Variants in TMED8 observed in about 807,000 individuals in gnomAD.
The protein encoded by TMED8 is protein TMED8.
A neutral mutation model predicts 32.7 loss-of-function variants in TMED8; 15 were observed. The ratio of observed to expected loss-of-function variants is 0.46; its 90% CI spans 0.31 to 0.71. The LOEUF is 0.71. Among genes scored for constraint, TMED8 ranks in the 30% least tolerant of loss-of-function variants. The probability of loss-of-function intolerance (pLI) is 0.06; values close to 1 mark genes in which losing one functional copy is unlikely to be tolerated. For synonymous variants in TMED8, 147 were observed against 161.4 expected, an observed-to-expected ratio of 0.91 and a Z score of 0.68; for missense variants, 390 against 423.9, an observed-to-expected ratio of 0.92 and a Z score of 0.70.
At chr14:77,342,045 A>C (rs1892917216) in intron 5 of TMED8, 57 bp from the exon 6 acceptor site, 1 of 1,515,756 alleles carries the variant, frequency 6.6e-7, no homozygotes. Context: ...CCTGAAGGTG[A>C]GCGGAAGGAC....
At chr14:77,357,876 C>T (rs1484826127) in intron 1 of TMED8, among the ~76,000 whole-genome samples, 6 of 152,070 alleles carry the variant, frequency 3.9e-5, no homozygotes, top group Non-Finnish European at 2.9e-5. Context: ...GTAATCCCAA[C>T]ACTTTGGGAG....
chr14:77,342,047 C>G, intron 5 of TMED8, 59 bp from the exon 6 acceptor site: 1 of 1,500,744 alleles, frequency 6.7e-7, no homozygotes, highest in African/African-American at 1.4e-5. Context: ...TGAAGGTGAG[C>G]GGAAGGACCA....
intron 1 of TMED8, among the ~76,000 whole-genome samples, chr14:77,359,241 C>T (rs1367343679): frequency 6.6e-6 from 1 of 152,172 alleles, no homozygotes; most frequent in Non-Finnish European, 1.5e-5. Context: ...ACAACACAGC[C>T]TAGAAGAGCT....
rs1893812299 is a variant in TMED8 at position 77,376,264 on chromosome 14, G to C, written c.118+672C>G. 6.6e-6 allele frequency among the ~76,000 whole-genome samples: 1 copy of C among 152,226 alleles called. No homozygotes were observed. The highest frequency in any genetic ancestry group is 2.4e-5 in the African/African-American group (1 of 41,464). On this transcript the variant is annotated intron_variant, in intron 1 of 5. Coordinates refer to ENST00000216468, the MANE Select transcript of TMED8 (RefSeq NM_213601.3). The surrounding 1 kb of genome is among the most constrained non-coding windows in gnomAD (Gnocchi z 4.0). Reference sequence around the variant, plus strand: ...GACAAGAAGAGGATGAGGGTCTTGAGAATGAGGGAGGTAGGCCAAATTTTT... The same window carrying C: ...GACAAGAAGAGGATGAGGGTCTTGACAATGAGGGAGGTAGGCCAAATTTTT...
chr14:77,372,810 G>C (rs770030738), intron 1 of TMED8, among the ~76,000 whole-genome samples: 30 of 148,542 alleles, frequency 2.0e-4, no homozygotes, highest in Non-Finnish European at 4.0e-4. Flanking sequence ...AAACATCAAG[G>C]CTGTTTGTCA....
At chr14:77,342,038 G>C (rs911031839) in intron 5 of TMED8, 50 bp from the exon 6 acceptor site, 2 of 1,550,430 alleles carry the variant, frequency 1.3e-6, no homozygotes, top group African/African-American at 2.7e-5. Flanking sequence ...AGTCCTGCCT[G>C]AAGGTGAGCG....
intron 1 of TMED8, among the ~76,000 whole-genome samples, chr14:77,368,467 A>AT (rs549481782): frequency 6.6e-6 from 1 of 151,508 alleles, no homozygotes; most frequent in Non-Finnish European, 1.5e-5. Context: ...TGTCCTTTTT[A>AT]TTATTTATTT....
Position 77,341,944 on chromosome 14 carries a change from A to G in TMED8, c.805T>C (p.Leu269=), listed in dbSNP as rs1892912109. The G allele has an allele frequency of 1.9e-6, 3 of 1,614,108 alleles. No homozygotes were observed. In the South Asian group the frequency reaches 3.3e-5, roughly 18 times the overall value. The part of the protein sequence containing the change: ...GDVERGSRSS[L]RGRYGEVMPV... ...ATGACCTCCCCATAGCGACCCCGCA[A>G]GGAGCTCCTGGAGCCTCTCTCCACA... is the stretch of plus-strand genomic sequence containing the variant. Residue 269 remains leucine (L), a synonymous_variant, in exon 6 of 6, where the codon TTG becomes CTG. Transcript: ENST00000216468.
At position 77,338,745 on chromosome 14, in the gene TMED8, C is replaced by T. The variant is rs1258491292; in HGVS notation, c.*3026G>A. The T allele has an allele frequency of 6.6e-6, 1 of 152,186 alleles. No individual in the cohort carries two copies. Among genetic ancestry groups the T allele is most frequent in the African/African-American group, 2.4e-5 (1 of 41,450 alleles). The allele number at this position is 152,186 out of a possible 1,614,324, so 9.4% of individuals were successfully genotyped here. A position where few individuals can be genotyped will look rare whatever the true frequency, so the allele number is the denominator to read the frequency against. Reference sequence around the variant, plus strand: ...AAATAAACCTCTAAATGTATTGAGACCTGTCTCAGATACTTTTTGGTTTAC... The same window carrying T: ...AAATAAACCTCTAAATGTATTGAGATCTGTCTCAGATACTTTTTGGTTTAC... On this transcript the variant is annotated 3_prime_UTR_variant, in exon 6 of 6. Transcript: ENST00000216468.
chr14:77,343,942 A>T (rs1892971498), intron 3 of TMED8, 119 bp from the exon 4 acceptor site: 1 of 1,008,686 alleles, frequency 9.9e-7, no homozygotes, highest in African/African-American at 1.6e-5. Flanking sequence ...CTCAAAGCTT[A>T]ATGTACTAGT....
intron 2 of TMED8, 47 bp downstream of exon 2, chr14:77,351,626 A>G (rs768168807): frequency 6.6e-7 from 1 of 1,511,516 alleles, no homozygotes; most frequent in South Asian, 1.2e-5. Flanking sequence ...CCAGTTCCTC[A>G]TCTCAGAAGA....
In TMED8 at chr14:77,341,717, G is replaced by A. The variant is rs1892902907; in HGVS notation, c.*54C>T. 1.9e-6 allele frequency: 3 copies of A among 1,581,192 alleles called. No individual in the cohort carries two copies. Among genetic ancestry groups the A allele is most frequent in the Non-Finnish European group, 2.6e-6 (3 of 1,151,392 alleles). On this transcript the variant is annotated 3_prime_UTR_variant, in exon 6 of 6. Coordinates refer to ENST00000216468, the MANE Select transcript of TMED8 (RefSeq NM_213601.3). The stretch of plus-strand genomic sequence containing the variant: ...TGCCTATCCCAAACAAGAGGCACCA[G>A]CTGGCAGCCTGCTTCAGCCAGCAAA...
In TMED8 at chr14:77,347,378, G is replaced by A. The variant is rs530272716; in HGVS notation, c.198-900C>T. Among the ~76,000 whole-genome samples the A allele has an allele frequency of 2.6e-3, 394 of 152,300 alleles. 2 individuals are homozygous for A. The highest frequency in any genetic ancestry group is 4.6e-3 in the Non-Finnish European group (315 of 68,022). On this transcript the variant is annotated intron_variant, in intron 2 of 5. Transcript: ENST00000216468. ...ACCCTGTCCCCGTTCAGTGCTAGGG[G>A]TCATCACTTTCTCTCCTTTTTAAAG...
In TMED8 at chr14:77,343,475, G is replaced by A. The variant is rs751905394; in HGVS notation, c.463C>T (p.Pro155Ser). 1 of 1,613,380 alleles carries A rather than the reference G, an allele frequency of 6.2e-7. No individual in the cohort carries two copies. Among genetic ancestry groups the A allele is most frequent in the East Asian group, 2.2e-5 (1 of 44,882 alleles). The change falls in exon 5 of 6, where the codon CCT becomes TCT. Residue 155 changes from proline (P) to serine (S), a missense_variant. Coordinates refer to ENST00000216468, the MANE Select transcript of TMED8 (RefSeq NM_213601.3). ...CAGATGCATGGAGGAGCCATCAGAG[G>A]TGGGGAGACTGAAAGGACAAGCAGC... is the stretch of plus-strand genomic sequence containing the variant. ...LLGDHRKVSP[P>S]LMAPPCIWTF...
intron 1 of TMED8, among the ~76,000 whole-genome samples, chr14:77,374,516 A>G (rs751992551): frequency 2.6e-5 from 4 of 152,240 alleles, no homozygotes; most frequent in Admixed American, 6.5e-5. Flanking sequence ...GTTTCCAAAC[A>G]TTGCCATGCC....
intron 5 of TMED8, among the ~76,000 whole-genome samples, chr14:77,342,512 T>G (rs1173383122): frequency 6.6e-6 from 1 of 152,160 alleles, no homozygotes; most frequent in East Asian, 1.9e-4. Context: ...CCGCTTGCTG[T>G]TCTATGAAGA....
At chr14:77,354,954 C>CA (rs58297150) in intron 1 of TMED8, among the ~76,000 whole-genome samples, 3,723 of 130,342 alleles carry the variant, frequency 0.029, 111 homozygotes, top group African/African-American at 0.089. Context: ...AACTCTGTCT[C>CA]AAAAAAAAAA....
At chr14:77,372,932 ATATATATATATATATATATATTTT>A (rs1214315275) in intron 1 of TMED8, among the ~76,000 whole-genome samples, 327 of 32,322 alleles carry the variant, frequency 0.01, 14 homozygotes, top group African/African-American at 0.057. Flanking sequence ...ATATATATAT[ATATATATATATATATATATATTTT>A]TTTTTTTTTT....
intron 1 of TMED8, among the ~76,000 whole-genome samples, chr14:77,370,171 CAAAAAAAAAA>C (rs5809828): frequency 0.7 from 96,877 of 138,252 alleles, 31,933 homozygotes; most frequent in African/African-American, 0.8. Context: ...GACTCCGTTT[CAAAAAAAAAA>C]AAAAAAAAAA....
Sources: gnomAD v4.1 joint callset for allele counts (sites outside exome capture counted in the v4.1 genomes callset) on GRCh38, gnomAD v4.1.1 for gene constraint, Gnocchi (gnomAD v3.1) non-coding constraint, MANE v1.5 for transcripts, NCBI Gene and HGNC (gene_info 2026-07-23, HGNC 2026-07-21) for gene names.